The following ADAM22 variants were observed in gnomAD, a reference collection of about 807,000 sequenced individuals.
ADAM22 encodes the protein ADAM metallopeptidase domain 22.
Under a neutral mutation model 144.6 loss-of-function variants are expected in ADAM22, and 65 were observed. The observed-to-expected ratio is 0.45, with a 90% CI of 0.37 to 0.55. The LOEUF (loss-of-function observed/expected upper bound fraction) is 0.55. Ranked by LOEUF, ADAM22 falls within the 20% of genes least tolerant of loss-of-function variation. The pLI is 0.00. For missense variants in ADAM22, 974 were observed against 1,184.9 expected (o/e 0.82, Z 2.61); for synonymous variants, 391 against 412.6 (o/e 0.95, Z 0.63).
chr7:88,156,431 A>G (rs1839969339), intron 22 of ADAM22, among the ~76,000 whole-genome samples: 1 of 152,172 alleles, frequency 6.6e-6, no homozygotes, highest in Non-Finnish European at 1.5e-5. Flanking sequence ...TAATAGCAAC[A>G]ATATTTTGTT....
intron 3 of ADAM22, among the ~76,000 whole-genome samples, chr7:88,021,359 CAG>C (rs1797791335): frequency 6.6e-6 from 1 of 152,154 alleles, no homozygotes; most frequent in Non-Finnish European, 1.5e-5. Context: ...ATTATTTTTA[CAG>C]AGTTTTAAAT....
rs1221479010 is a variant in ADAM22 at position 87,934,340 on chromosome 7, A to T, written c.-126A>T. On this transcript the variant is annotated 5_prime_UTR_variant, in exon 1 of 32. Coordinates refer to ENST00000413139, the MANE Select transcript of ADAM22 (RefSeq NM_001324418.2). ...GAGGTTGCAGCGCCACGGCCGCCGCAGCACCGGCCGGGGCTGGGTGGAGGT... is the reference window on the plus strand; with the variant it reads ...GAGGTTGCAGCGCCACGGCCGCCGCTGCACCGGCCGGGGCTGGGTGGAGGT... The T allele has an allele frequency of 3.7e-6, 3 of 807,896 alleles. No homozygotes were observed. The highest frequency in any genetic ancestry group is 5.6e-6 in the Non-Finnish European group (3 of 538,646). The allele number at this position is 807,896 out of a possible 1,614,324, so 50.0% of individuals were successfully genotyped here. A position where few individuals can be genotyped will look rare whatever the true frequency, so the allele number is the denominator to read the frequency against.
At chr7:88,094,441 G>A (rs561675516) in intron 4 of ADAM22, among the ~76,000 whole-genome samples, 2 of 152,222 alleles carry the variant, frequency 1.3e-5, no homozygotes, top group African/African-American at 4.8e-5. Context: ...AAAGAAACCA[G>A]AGAAGGTGGA....
chr7:87,974,217 T>C (rs1470600098), intron 2 of ADAM22, among the ~76,000 whole-genome samples: 1 of 147,744 alleles, frequency 6.8e-6, no homozygotes, highest in African/African-American at 2.5e-5. Flanking sequence ...GGCAGGAGAA[T>C]GGTGTGAACC....
In ADAM22 at chr7:88,124,032, A is replaced by G. The variant is rs904897514; in HGVS notation, c.608-1557A>G. 7.2e-5 allele frequency among the ~76,000 whole-genome samples: 11 copies of G among 152,076 alleles called. No homozygotes were observed. The East Asian group carries it at 1.9e-3, about 27-fold the overall frequency. ...TTTATTGGGACTTGTTTTATGATCT[A>G]TCATAATGTCTGTCTTGGTGAATGT... On this transcript the variant is annotated intron_variant, in intron 7 of 31. Coordinates refer to ENST00000413139, the MANE Select transcript of ADAM22 (RefSeq NM_001324418.2).
chr7:88,080,416 C>G (rs1269755395), intron 4 of ADAM22, among the ~76,000 whole-genome samples: 1 of 152,098 alleles, frequency 6.6e-6, no homozygotes, highest in Non-Finnish European at 1.5e-5. Context: ...AATTGACACC[C>G]TAACATCACA....
chr7:88,140,524 G>A (rs751183378), intron 14 of ADAM22, among the ~76,000 whole-genome samples: 1 of 152,180 alleles, frequency 6.6e-6, no homozygotes. Flanking sequence ...AAAAAAACCT[G>A]GTTCCTTTGC....
Position 88,199,639 on chromosome 7 carries a change from A to G in ADAM22, c.*3148A>G, listed in dbSNP as rs996757645. The G allele has an allele frequency of 5.9e-5, 9 of 152,176 alleles. No homozygotes were observed. The highest frequency in any genetic ancestry group is 1.9e-4 in the African/African-American group (8 of 41,440). The allele number at this position is 152,176 out of a possible 1,614,324, so 9.4% of individuals were successfully genotyped here. A position where few individuals can be genotyped will look rare whatever the true frequency, so the allele number is the denominator to read the frequency against. ...CAGTGCAACATGGTGAGGGCTTTCA[A>G]TTTGCTGTGGTTGCTGTATTTTTAA... On this transcript the variant is annotated 3_prime_UTR_variant, in exon 32 of 32. Coordinates refer to ENST00000413139, the MANE Select transcript of ADAM22 (RefSeq NM_001324418.2).
rs1562788985 is a variant in ADAM22, at chr7:87,935,198, G to T, written c.246+12G>T. ...TCGGTGGCCCGCAGGTGAGAGGCTC[G>T]GTCCGGGAGGTGGTCCTCCGCGCCT... On this transcript the variant is annotated intron_variant, in intron 2 of 31. Coordinates refer to ENST00000413139, the MANE Select transcript of ADAM22 (RefSeq NM_001324418.2). 1.3e-6 allele frequency: 2 copies of T among 1,578,076 alleles called. No individual in the cohort carries two copies. Among genetic ancestry groups the T allele is most frequent in the African/African-American group, 1.3e-5 (1 of 74,406 alleles).
chr7:88,162,339 TGTG>T (rs1019426953), intron 22 of ADAM22, among the ~76,000 whole-genome samples: 5 of 151,880 alleles, frequency 3.3e-5, no homozygotes, highest in Admixed American at 1.3e-4. Flanking sequence ...ATTTGAGGGA[TGTG>T]ATGAGGAGGA....
Position 88,113,712 on chromosome 7 carries a change from A to G in ADAM22, c.474-872A>G, listed in dbSNP as rs1404183464. 1.1e-3 allele frequency among the ~76,000 whole-genome samples: 119 copies of G among 106,206 alleles called. 5 individuals carry two copies. Among genetic ancestry groups the G allele is most frequent in the African/African-American group, 4.4e-3 (109 of 24,834 alleles). The allele number at this position is 106,206 out of a possible 152,430, so 69.7% of individuals were successfully genotyped here. ...TATAAATAAATAAATAAATATATAT[A>G]TATATATATATATATATATATATAT... On this transcript the variant is annotated intron_variant, in intron 5 of 31. Coordinates refer to ENST00000413139, the MANE Select transcript of ADAM22 (RefSeq NM_001324418.2).
intron 29 of ADAM22, chr7:88,184,528 T>A (rs1586593313): frequency 4.8e-6 from 1 of 208,144 alleles, no homozygotes; most frequent in Non-Finnish European, 1.0e-5. Flanking sequence ...GTGCTCCTGG[T>A]CCAGCCAGCA....
intron 21 of ADAM22, among the ~76,000 whole-genome samples, chr7:88,155,163 C>A (rs930739718): frequency 6.6e-6 from 1 of 151,694 alleles, no homozygotes; most frequent in African/African-American, 2.4e-5. Flanking sequence ...AATTCTAGGG[C>A]AACAGGTTGA....
At chr7:88,116,549 C>T (rs1827808283) in intron 6 of ADAM22, among the ~76,000 whole-genome samples, 196 bp from the exon 7 acceptor site, 1 of 152,144 alleles carries the variant, frequency 6.6e-6, no homozygotes, top group African/African-American at 2.4e-5. Context: ...CATTTTTCTT[C>T]TCATTGGATG....
intron 3 of ADAM22, among the ~76,000 whole-genome samples, chr7:88,016,724 A>T (rs548182583): frequency 6.6e-6 from 1 of 152,300 alleles, no homozygotes; most frequent in South Asian, 2.1e-4. Flanking sequence ...GGGAGCTAAA[A>T]AAAGTTGAGC....
At chr7:88,156,047 T>C in intron 22 of ADAM22, 41 bp downstream of exon 22, 2 of 1,606,432 alleles carry the variant, frequency 1.2e-6, no homozygotes, top group Non-Finnish European at 1.7e-6. Flanking sequence ...AGTCATCTTA[T>C]TTCTCAGGAA....
intron 12 of ADAM22, among the ~76,000 whole-genome samples, chr7:88,133,492 T>C (rs878911983): frequency 1.3e-5 from 2 of 152,104 alleles, no homozygotes; most frequent in Non-Finnish European, 2.9e-5. Context: ...ATAATTATTA[T>C]ATATTCATGT....
chr7:88,160,933 G>A (rs1841443376), intron 22 of ADAM22, among the ~76,000 whole-genome samples: 1 of 152,026 alleles, frequency 6.6e-6, no homozygotes, highest in Non-Finnish European at 1.5e-5. Flanking sequence ...TTGGACACAG[G>A]AAGGGGAGCA....
chr7:88,065,930 G>A (rs1465223412), intron 3 of ADAM22, among the ~76,000 whole-genome samples: 3 of 151,886 alleles, frequency 2.0e-5, no homozygotes, highest in Non-Finnish European at 2.9e-5. Context: ...TCAACACTAG[G>A]TTTTCTGATA....
Sources: allele counts gnomAD v4.1 joint callset (sites outside exome capture counted in the v4.1 genomes callset), GRCh38; gene constraint gnomAD v4.1.1; transcripts MANE v1.5; gene names NCBI Gene and HGNC (gene_info 2026-07-23, HGNC 2026-07-21).